The following NEBL variants were observed in gnomAD, a reference collection of about 807,000 sequenced individuals.
NEBL encodes nebulette.
A neutral mutation model predicts 140.2 loss-of-function variants in NEBL; 122 were observed. The ratio of observed to expected loss-of-function variants is 0.87; its 90% CI spans 0.75 to 1.01. The LOEUF (loss-of-function observed/expected upper bound fraction) is 1.01, where lower values mean the gene tolerates loss of function less well. NEBL is among the 50% of genes least tolerant of loss of function. The pLI is 0.00. For missense variants in NEBL, 1,365 were observed against 1,231.3 expected (o/e 1.11, Z -1.62); for synonymous variants, 436 against 398.9 (o/e 1.09, Z -1.11).
intron 24 of NEBL, among the ~76,000 whole-genome samples, chr10:20,810,860 A>C (rs766048333): frequency 4.0e-4 from 61 of 152,162 alleles, no homozygotes; most frequent in Non-Finnish European, 1.5e-4. Context: ...TATGCCAGGC[A>C]CTCTTCTCAT....
chr10:20,924,204 A>G (rs1180899437), intron 4 of NEBL, among the ~76,000 whole-genome samples: 1 of 151,992 alleles, frequency 6.6e-6, no homozygotes, highest in Non-Finnish European at 1.5e-5. Flanking sequence ...TTGGCATTTC[A>G]TGGGTAGGGG....
intron 3 of NEBL, among the ~76,000 whole-genome samples, chr10:21,206,117 A>G (rs142150999): frequency 2.0e-5 from 3 of 152,346 alleles, no homozygotes; most frequent in African/African-American, 7.2e-5. Context: ...CAATTACAAG[A>G]GACCAAAAAG....
At chr10:21,281,746 C>G (rs1842996739) in intron 1 of NEBL, among the ~76,000 whole-genome samples, 1 of 152,180 alleles carries the variant, frequency 6.6e-6, no homozygotes, top group Non-Finnish European at 1.5e-5. Flanking sequence ...TGGAAAAATG[C>G]ATAATGATGC....
intron 14 of NEBL, among the ~76,000 whole-genome samples, chr10:20,833,488 T>A (rs2077311950): frequency 6.6e-6 from 1 of 152,184 alleles, no homozygotes; most frequent in African/African-American, 2.4e-5. Flanking sequence ...TTTTTATTAT[T>A]ATTATTTGGG....
intron 4 of NEBL, among the ~76,000 whole-genome samples, chr10:20,947,772 T>C (rs1835252288): frequency 6.6e-6 from 1 of 152,018 alleles, no homozygotes; most frequent in Admixed American, 6.6e-5. Context: ...GACGGCTTCA[T>C]AGCAGACTGA....
intron 2 of NEBL, among the ~76,000 whole-genome samples, chr10:21,100,131 G>A (rs570757255): frequency 2.6e-5 from 4 of 152,182 alleles, no homozygotes; most frequent in African/African-American, 4.8e-5. Context: ...CAGACTGCCC[G>A]GCCATCACAT....
chr10:21,047,815 G>A (rs56106008), intron 2 of NEBL, among the ~76,000 whole-genome samples: 203 of 152,226 alleles, frequency 1.3e-3, no homozygotes, highest in Middle Eastern at 0.01. Context: ...AAAAGCAACC[G>A]GAATCTTCCC....
chr10:21,037,755 T>C (rs902611450), intron 2 of NEBL, among the ~76,000 whole-genome samples: 2 of 151,994 alleles, frequency 1.3e-5, no homozygotes, highest in Non-Finnish European at 2.9e-5. Context: ...AACAGAGAGA[T>C]AGAATAATGG....
intron 4 of NEBL, among the ~76,000 whole-genome samples, chr10:20,959,412 T>C (rs1043660941): frequency 2.6e-5 from 4 of 152,160 alleles, no homozygotes; most frequent in Admixed American, 2.6e-4. Context: ...TGTCAAAAAA[T>C]ATCTGTTTGG....
intron 5 of NEBL, among the ~76,000 whole-genome samples, chr10:20,879,523 C>T (rs1163054112): frequency 6.6e-6 from 1 of 152,190 alleles, no homozygotes; most frequent in African/African-American, 2.4e-5. Context: ...CCTCATTCCA[C>T]TTTTTTACTT....
intron 3 of NEBL, among the ~76,000 whole-genome samples, chr10:21,212,521 AAG>A (rs1336139306): frequency 6.6e-6 from 1 of 152,168 alleles, no homozygotes; most frequent in East Asian, 1.9e-4. Flanking sequence ...GTCATTTCTC[AAG>A]AGTTTGTGAA....
chr10:20,935,210 C>T (rs773415499), intron 4 of NEBL, among the ~76,000 whole-genome samples: 1 of 152,172 alleles, frequency 6.6e-6, no homozygotes, highest in South Asian at 2.1e-4. Context: ...TCCACCATCT[C>T]CTCTCAGATG....
At chr10:20,887,411 CTTTTTTTT>C (rs36034071) in intron 4 of NEBL, among the ~76,000 whole-genome samples, 1 of 80,626 alleles carries the variant, frequency 1.2e-5, no homozygotes, top group Non-Finnish European at 2.3e-5. Flanking sequence ...TGAATTCAAC[CTTTTTTTT>C]TTTTTTTTTT....
intron 1 of NEBL, among the ~76,000 whole-genome samples, chr10:21,291,238 G>C (rs971996904): frequency 1.3e-5 from 2 of 152,106 alleles, no homozygotes; most frequent in African/African-American, 4.8e-5. Context: ...AGGCGCAGTG[G>C]CTCACACCTA....
intron 2 of NEBL, among the ~76,000 whole-genome samples, chr10:21,093,944 G>A (rs12252686): frequency 0.012 from 1,770 of 152,248 alleles, 27 homozygotes; most frequent in African/African-American, 0.04. Flanking sequence ...ACATTTTGTC[G>A]TTTTTGTGAA....
chr10:21,204,620 C>T lies in NEBL; in HGVS notation n.349-32143G>A, dbSNP rs1254581357. On this transcript the variant is annotated intron_variant and non_coding_transcript_variant, in intron 3 of 8. Transcript: ENST00000675702. ...GAAAATGGATTTCTATCGTTTAAGG[C>T]TTCCAGGCTGTGGGATTCTGTTAAG... Among the ~76,000 whole-genome samples, 4 of 152,166 alleles carry T rather than the reference C, an allele frequency of 2.6e-5. No individual in the cohort carries two copies. The East Asian group carries it at 5.8e-4, about 22-fold the overall frequency.
intron 24 of NEBL, 26 bp from the exon 25 acceptor site, chr10:20,809,924 A>C (rs71578968): frequency 8.4e-6 from 12 of 1,427,830 alleles, no homozygotes; most frequent in Non-Finnish European, 1.1e-5. Context: ...AGAAATCAAC[A>C]CTCATCAAGA....
At position 20,780,288 on chromosome 10, in the gene NEBL, TGAATA is replaced by T. The variant is rs1440144101; in HGVS notation, c.*5454_*5458del. ...GCTCCAAACCATTTCTTTCATCTTATGAATAGAAGAAAATTAGAATTGTACTATTG... is the reference window on the plus strand; with the variant it reads ...GCTCCAAACCATTTCTTTCATCTTATGAAGAAAATTAGAATTGTACTATTG... On this transcript the variant is annotated 3_prime_UTR_variant, in exon 28 of 28. Coordinates refer to ENST00000377122, the MANE Select transcript of NEBL (RefSeq NM_006393.3). 2 of 152,222 alleles carry T rather than the reference TGAATA, an allele frequency of 1.3e-5. No homozygotes were observed. The highest frequency in any genetic ancestry group is 4.8e-5 in the African/African-American group (2 of 41,468). 9.4% of individuals were successfully genotyped at this position (152,222 alleles called of 1,614,324 possible).
At chr10:20,802,400 T>A (rs1280743967) in intron 26 of NEBL, among the ~76,000 whole-genome samples, 1 of 152,136 alleles carries the variant, frequency 6.6e-6, no homozygotes, top group Non-Finnish European at 1.5e-5. Flanking sequence ...TATTCATGAA[T>A]CAAAACAAAA....
Sources: allele counts gnomAD v4.1 joint callset (sites outside exome capture counted in the v4.1 genomes callset), GRCh38; gene constraint gnomAD v4.1.1; transcripts MANE v1.5; gene names NCBI Gene and HGNC (gene_info 2026-07-23, HGNC 2026-07-21).